Variants in DCLK1 observed in about 807,000 individuals in gnomAD.
The protein encoded by DCLK1 is doublecortin like kinase 1.
In DCLK1, 16 loss-of-function variants were observed where a neutral mutation model predicts 86.2. That is an observed-to-expected ratio of 0.19 (90% CI 0.13 to 0.28). The LOEUF (loss-of-function observed/expected upper bound fraction) is 0.28. DCLK1 is among the 10% of genes least tolerant of loss of function. DCLK1 has a pLI of 1.00. For synonymous variants in DCLK1, 369 were observed against 370.5 expected, an observed-to-expected ratio of 1.00 and a Z score of 0.05; for missense variants, 590 against 940.2, an observed-to-expected ratio of 0.63 and a Z score of 4.87.
intron 3 of DCLK1, among the ~76,000 whole-genome samples, chr13:36,002,868 T>C (rs1201924928): frequency 6.6e-6 from 1 of 152,204 alleles, no homozygotes; most frequent in South Asian, 2.1e-4. Context: ...TAGGAAATCA[T>C]AAAAGGCACC....
At chr13:35,860,484 A>ACCATTT in intron 5 of DCLK1, among the ~76,000 whole-genome samples, 1 of 152,094 alleles carries the variant, frequency 6.6e-6, no homozygotes, top group South Asian at 2.1e-4. Context: ...TTGAACTGAG[A>ACCATTT]CAATGGGTCC....
At chr13:35,822,012 C>A (rs1237331167) in intron 11 of DCLK1, among the ~76,000 whole-genome samples, 1 of 151,944 alleles carries the variant, frequency 6.6e-6, no homozygotes, top group Non-Finnish European at 1.5e-5. Flanking sequence ...GTCTTAAAAA[C>A]CAATTATAAT....
At chr13:36,035,044 C>T (rs1386427619) in intron 3 of DCLK1, among the ~76,000 whole-genome samples, 2 of 152,150 alleles carry the variant, frequency 1.3e-5, no homozygotes, top group Admixed American at 1.3e-4. Context: ...CATGAAAACA[C>T]CAGCCAAATA....
chr13:36,050,084 A>T (rs1472623721), intron 3 of DCLK1, among the ~76,000 whole-genome samples: 1 of 152,176 alleles, frequency 6.6e-6, no homozygotes, highest in East Asian at 1.9e-4. Flanking sequence ...GTGAGCTGGT[A>T]CACGCCAGCT....
intron 3 of DCLK1, among the ~76,000 whole-genome samples, chr13:36,106,093 GCTAGAATGCAATTTACAGAAAA>G (rs1423584609): frequency 6.6e-6 from 1 of 152,140 alleles, no homozygotes; most frequent in Non-Finnish European, 1.5e-5. Flanking sequence ...TTTACAGCGA[GCTAGAATGCAATTTACAGAAAA>G]CTAACTTTTG....
At chr13:35,887,476 C>T (rs1250435585) in intron 4 of DCLK1, among the ~76,000 whole-genome samples, 1 of 152,178 alleles carries the variant, frequency 6.6e-6, no homozygotes, top group East Asian at 1.9e-4. Flanking sequence ...CTCACAATTC[C>T]CAAGGGAGGC....
intron 1 of DCLK1, among the ~76,000 whole-genome samples, chr13:36,127,285 G>A (rs1886221430): frequency 6.6e-6 from 1 of 151,950 alleles, no homozygotes; most frequent in Admixed American, 6.6e-5. Flanking sequence ...GAAAAGTTGA[G>A]TTTAAAAAAA....
chr13:36,026,620 C>T (rs190701323), intron 3 of DCLK1, among the ~76,000 whole-genome samples: 3 of 152,068 alleles, frequency 2.0e-5, no homozygotes, highest in East Asian at 1.9e-4. Flanking sequence ...AAATGTAAAC[C>T]CCTTTTAATT....
intron 5 of DCLK1, among the ~76,000 whole-genome samples, chr13:35,866,522 G>A (rs908112980): frequency 6.7e-6 from 1 of 148,634 alleles, no homozygotes; most frequent in South Asian, 2.1e-4. Context: ...GTGCAATCTC[G>A]ACTCACTGCA....
chr13:35,946,704 C>T (rs1763636631), intron 4 of DCLK1, among the ~76,000 whole-genome samples: 1 of 152,156 alleles, frequency 6.6e-6, no homozygotes, highest in African/African-American at 2.4e-5. Context: ...ATAATCTTAC[C>T]TGTGATAGTG....
chr13:35,910,001 A>G (rs1277760534), intron 4 of DCLK1, among the ~76,000 whole-genome samples: 2 of 152,092 alleles, frequency 1.3e-5, no homozygotes, highest in African/African-American at 4.8e-5. Flanking sequence ...AGACACCCGC[A>G]TCCATCCGCT....
chr13:35,951,474 C>T (rs973266064), intron 3 of DCLK1, among the ~76,000 whole-genome samples: 1 of 149,812 alleles, frequency 6.7e-6, no homozygotes. Flanking sequence ...TGTTCGAATC[C>T]CTCCTATAGC....
At chr13:35,840,178 G>A (rs977823771) in intron 6 of DCLK1, among the ~76,000 whole-genome samples, 4 of 152,086 alleles carry the variant, frequency 2.6e-5, no homozygotes, top group Admixed American at 2.0e-4. Flanking sequence ...GAGAAGCAAA[G>A]CTGACCTATT....
chr13:36,106,152 T>C (rs1885388199), intron 3 of DCLK1, among the ~76,000 whole-genome samples: 2 of 152,044 alleles, frequency 1.3e-5, no homozygotes, highest in South Asian at 4.1e-4. Flanking sequence ...CCTTAAAATA[T>C]ACATCACTGC....
At chr13:35,909,434 T>C (rs1264701149) in intron 4 of DCLK1, among the ~76,000 whole-genome samples, 2 of 152,190 alleles carry the variant, frequency 1.3e-5, no homozygotes, top group African/African-American at 2.4e-5. Context: ...CTGTATGACA[T>C]TAAGCAACTT....
At chr13:35,951,161 C>T (rs1877650436) in intron 3 of DCLK1, among the ~76,000 whole-genome samples, 1 of 151,838 alleles carries the variant, frequency 6.6e-6, no homozygotes, top group Non-Finnish European at 1.5e-5. Flanking sequence ...CAAAATCTGA[C>T]CCCAACCTAC....
intron 3 of DCLK1, among the ~76,000 whole-genome samples, chr13:36,003,936 G>A (rs1199013659): frequency 6.6e-6 from 1 of 152,118 alleles, no homozygotes; most frequent in African/African-American, 2.4e-5. Flanking sequence ...TAAAGAAAGA[G>A]CAATGAGTAA....
At chr13:35,871,604 G>A (rs1423447487) in intron 4 of DCLK1, among the ~76,000 whole-genome samples, 1 of 152,166 alleles carries the variant, frequency 6.6e-6, no homozygotes, top group African/African-American at 2.4e-5. Flanking sequence ...GATTGGGAGT[G>A]ATATAGGCTA....
intron 3 of DCLK1, among the ~76,000 whole-genome samples, chr13:35,971,677 C>A (rs1311007800): frequency 2.6e-5 from 4 of 151,918 alleles, no homozygotes; most frequent in Non-Finnish European, 4.4e-5. Context: ...GCAGAAGAAT[C>A]TCTTGAACCT....
Sources: allele counts gnomAD v4.1 joint callset (sites outside exome capture counted in the v4.1 genomes callset), GRCh38; gene constraint gnomAD v4.1.1; transcripts MANE v1.5; gene names NCBI Gene and HGNC (gene_info 2026-07-23, HGNC 2026-07-21).